Variants in LBHD2 observed in about 807,000 individuals in gnomAD.
LBHD2 encodes the protein LBH domain-containing protein 2.
chr14:103,088,963 C>T (rs1409204130), intron 3 of LBHD2, among the ~76,000 whole-genome samples: 3 of 152,250 alleles, frequency 2.0e-5, no homozygotes, highest in Admixed American at 6.5e-5. Context: ...CACTGCACTC[C>T]AGCCTGGGCG....
intron 1 of LBHD2, among the ~76,000 whole-genome samples, chr14:103,085,305 G>A (rs1292271280): frequency 6.6e-6 from 1 of 152,156 alleles, no homozygotes. Flanking sequence ...TGACCAGGGC[G>A]TAGCCCCAAG....
intron 2 of LBHD2, among the ~76,000 whole-genome samples, chr14:103,087,871 G>A (rs922984015): frequency 1.1e-4 from 16 of 152,306 alleles, no homozygotes; most frequent in African/African-American, 3.6e-4. Context: ...GACCCCAGGG[G>A]CTGAGCACCC....
chr14:103,087,467 C>T lies in LBHD2; in HGVS notation c.70-618C>T, dbSNP rs528599847. Among the ~76,000 whole-genome samples the T allele has an allele frequency of 1.5e-3, 225 of 152,308 alleles. 1 individual carries two copies. The highest frequency in any genetic ancestry group is 5.2e-3 in the African/African-American group (215 of 41,570). ...GGCAGGCAAGTCAGGGCCACCGGGG[C>T]GCTGAGGGACAGAGTTCTGCACGTA... is the stretch of plus-strand genomic sequence containing the variant. On this transcript the variant is annotated intron_variant, in intron 2 of 3. Transcript: ENST00000634353.
chr14:103,087,912 G>C (rs984661226), intron 2 of LBHD2, among the ~76,000 whole-genome samples, 173 bp from the exon 3 acceptor site: 1 of 152,174 alleles, frequency 6.6e-6, no homozygotes, highest in Non-Finnish European at 1.5e-5. Flanking sequence ...GGTAGGGCCT[G>C]GGACCTGTCT....
At chr14:103,084,627 C>A (rs963432134) in intron 1 of LBHD2, among the ~76,000 whole-genome samples, 2 of 152,206 alleles carry the variant, frequency 1.3e-5, no homozygotes, top group African/African-American at 4.8e-5. Flanking sequence ...TGCTTGCCTG[C>A]CCCCGCCTGG....
rs1490928785 is a variant in LBHD2, at chr14:103,089,992, C to G, written c.*195C>G. ...GTCTGGATCACACCCCGCTTTGTTC[C>G]GTGGTTTGAAGCAGAAATAAAGGCA... On this transcript the variant is annotated 3_prime_UTR_variant, in exon 4 of 4. Transcript: ENST00000634353. The G allele has an allele frequency of 1.5e-5, 6 of 395,062 alleles. No individual in the cohort carries two copies. Among genetic ancestry groups the G allele is most frequent in the Non-Finnish European group, 2.7e-5 (6 of 224,394 alleles). The allele number at this position is 395,062 out of a possible 1,614,324, so 24.5% of individuals were successfully genotyped here.
At chr14:103,087,895 G>A (rs886595807) in intron 2 of LBHD2, among the ~76,000 whole-genome samples, 190 bp from the exon 3 acceptor site, 3 of 152,176 alleles carry the variant, frequency 2.0e-5, no homozygotes, top group Non-Finnish European at 4.4e-5. Context: ...CCCCAGGGTT[G>A]GGACTGGGTA....
At chr14:103,085,769 C>T (rs1889624041) in intron 1 of LBHD2, among the ~76,000 whole-genome samples, 2 of 152,230 alleles carry the variant, frequency 1.3e-5, no homozygotes, top group Admixed American at 1.3e-4. Context: ...CCTGCCTGTG[C>T]CCTCTTGCAG....
At position 103,089,896 on chromosome 14, in the gene LBHD2, A is replaced by G; in HGVS notation, c.*99A>G. ...GGAGGGCCGGGCCTGCCCAGCCTGG[A>G]AAGCCCAGAGGCTGCTTCCTGTGTC... is the stretch of plus-strand genomic sequence containing the variant. On this transcript the variant is annotated 3_prime_UTR_variant, in exon 4 of 4. Coordinates refer to ENST00000634353, the MANE Select transcript of LBHD2 (RefSeq NM_001330236.2). The G allele has an allele frequency of 2.5e-6, 1 of 397,796 alleles. No individual in the cohort carries two copies. The highest frequency in any genetic ancestry group is 4.4e-6 in the Non-Finnish European group (1 of 225,846). The allele number at this position is 397,796 out of a possible 1,614,324, so 24.6% of individuals were successfully genotyped here.
chr14:103,089,675 G>A (rs555530602), intron 3 of LBHD2, 22 bp from the exon 4 acceptor site: 5 of 398,522 alleles, frequency 1.3e-5, no homozygotes, highest in African/African-American at 2.1e-5. Context: ...CGACCAACAC[G>A]GCCGCCTTTA....
At position 103,089,857 on chromosome 14, in the gene LBHD2, C is replaced by G; in HGVS notation, c.*60C>G. Reference sequence around the variant, plus strand: ...CTGAGGGCCTCTGCCCCAGGGTGGCCGGGCTGATGCACAGGAGGGCCGGGC... The same window carrying G: ...CTGAGGGCCTCTGCCCCAGGGTGGCGGGGCTGATGCACAGGAGGGCCGGGC... On this transcript the variant is annotated 3_prime_UTR_variant, in exon 4 of 4. Coordinates refer to ENST00000634353, the MANE Select transcript of LBHD2 (RefSeq NM_001330236.2). The G allele has an allele frequency of 2.5e-6, 1 of 398,434 alleles. No individual in the cohort carries two copies. The highest frequency in any genetic ancestry group is 4.4e-6 in the Non-Finnish European group (1 of 225,998). The allele number at this position is 398,434 out of a possible 1,614,324, so 24.7% of individuals were successfully genotyped here. A position where few individuals can be genotyped will look rare whatever the true frequency, so the allele number is the denominator to read the frequency against.
intron 2 of LBHD2, among the ~76,000 whole-genome samples, chr14:103,087,357 C>A (rs1889648449): frequency 1.3e-5 from 2 of 152,250 alleles, no homozygotes; most frequent in Non-Finnish European, 2.9e-5. Context: ...GTGGACCCAG[C>A]AGCTTCCCTT....
rs112267659 is a variant in LBHD2 at position 103,085,629 on chromosome 14, C to T, written c.-37-347C>T. On this transcript the variant is annotated intron_variant, in intron 1 of 3. Transcript: ENST00000634353. ...GAACGTTTAGGTCCCTAGGACACTC[C>T]GTGTCCTTCCTGCACTATTCCTGTC... Among the ~76,000 whole-genome samples the T allele has an allele frequency of 1.3e-3, 204 of 152,338 alleles. 2 individuals are homozygous for T. Among genetic ancestry groups the T allele is most frequent in the African/African-American group, 4.5e-3 (186 of 41,584 alleles).
intron 3 of LBHD2, among the ~76,000 whole-genome samples, chr14:103,089,221 C>T (rs926013328): frequency 1.3e-5 from 2 of 152,204 alleles, no homozygotes; most frequent in East Asian, 1.9e-4. Flanking sequence ...TGAATTCAGC[C>T]GCAGCTGGGG....
chr14:103,085,304 C>T (rs890891936), intron 1 of LBHD2, among the ~76,000 whole-genome samples: 3 of 152,194 alleles, frequency 2.0e-5, no homozygotes, highest in African/African-American at 4.8e-5. Flanking sequence ...CTGACCAGGG[C>T]GTAGCCCCAA....
chr14:103,085,817 G>A lies in LBHD2; in HGVS notation c.-37-159G>A, dbSNP rs912471085. 7.2e-5 allele frequency among the ~76,000 whole-genome samples: 11 copies of A among 152,332 alleles called. 1 individual carries two copies. The highest frequency in any genetic ancestry group is 6.8e-3 in the Middle Eastern group (2 of 294). On this transcript the variant is annotated intron_variant, in intron 1 of 3. Transcript: ENST00000634353. ...GCCAGGGTCCAGTGCCCCCTCTGGC[G>A]GCGGGCTCAGGCAGGGAGCAGTGCA...
At chr14:103,087,268 A>T (rs1889647283) in intron 2 of LBHD2, among the ~76,000 whole-genome samples, 1 of 152,260 alleles carries the variant, frequency 6.6e-6, no homozygotes, top group African/African-American at 2.4e-5. Context: ...ATCTTGCTGC[A>T]GTGGCCGAGG....
At position 103,088,182 on chromosome 14, in the gene LBHD2, A is replaced by C. The variant is rs1889660703; in HGVS notation, c.167A>C (p.Glu56Ala). 2.5e-6 allele frequency: 1 copy of C among 398,494 alleles called. No homozygotes were observed. The highest frequency in any genetic ancestry group is 4.4e-5 in the Admixed American group (1 of 22,728). The allele number at this position is 398,494 out of a possible 1,614,324, so 24.7% of individuals were successfully genotyped here. Residue 56 changes from glutamate (E) to alanine (A), a missense_variant, in exon 3 of 4, where the codon GAG becomes GCG. Transcript: ENST00000634353. ...GAGGCGGACCCTGTGGAAAGTGGGGAGCTGCGCTGGCCCCTGGAGAGTGCC... is the reference window on the plus strand; with the variant it reads ...GAGGCGGACCCTGTGGAAAGTGGGGCGCTGCGCTGGCCCCTGGAGAGTGCC... ...PSEADPVESG[E>A]LRWPLESAQR...
At chr14:103,085,548 C>G (rs2139445471) in intron 1 of LBHD2, among the ~76,000 whole-genome samples, 1 of 152,318 alleles carries the variant, frequency 6.6e-6, no homozygotes, top group South Asian at 2.1e-4. Context: ...AAATGGGCAC[C>G]TTGGCCTCTG....
Sources: allele counts gnomAD v4.1 joint callset (sites outside exome capture counted in the v4.1 genomes callset), GRCh38; gene constraint gnomAD v4.1.1; transcripts MANE v1.5; gene names NCBI Gene and HGNC (gene_info 2026-07-23, HGNC 2026-07-21).